Variants in NFIB observed in about 807,000 individuals in gnomAD.
NFIB encodes nuclear factor I B.
NFIB carries 11 observed loss-of-function variants against 61.5 expected under a neutral mutation model. That is an observed-to-expected ratio of 0.18 (90% CI 0.11 to 0.30). The LOEUF (loss-of-function observed/expected upper bound fraction) is 0.30. Ranked by LOEUF, NFIB falls within the 10% of genes least tolerant of loss-of-function variation. The probability of loss-of-function intolerance (pLI) is 1.00; values close to 1 mark genes in which losing one functional copy is unlikely to be tolerated. For synonymous variants in NFIB, 260 were observed against 216.5 expected (o/e 1.20, Z -1.76); for missense variants, 471 against 608.9 (o/e 0.77, Z 2.38).
chr9:14,445,750 T>C, the NFIB span, among the ~76,000 whole-genome samples: 1 of 152,250 alleles, frequency 6.6e-6, no homozygotes, highest in African/African-American at 2.4e-5. Context: ...GGATTTATGC[T>C]GTGTTCTCGA....
At chr9:14,388,678 G>C (rs2061584174) in intron 1 of NFIB, among the ~76,000 whole-genome samples, 1 of 152,192 alleles carries the variant, frequency 6.6e-6, no homozygotes, top group African/African-American at 2.4e-5. Context: ...GATAGCAATT[G>C]CCTCTGGAAA....
chr9:14,211,936 G>T (rs112484443), intron 2 of NFIB, among the ~76,000 whole-genome samples: 75 of 152,320 alleles, frequency 4.9e-4, no homozygotes, highest in African/African-American at 1.8e-3. Context: ...TCTCTCCACT[G>T]ACCAGAATAC....
rs151108945 is a variant in NFIB, at chr9:14,253,355, T to C, written c.562+53634A>G. 6.8e-4 allele frequency among the ~76,000 whole-genome samples: 103 copies of C among 152,292 alleles called. 3 individuals are homozygous for C. In the South Asian group the frequency reaches 0.012, roughly 17 times the overall value. On this transcript the variant is annotated intron_variant, in intron 2 of 10. Coordinates refer to ENST00000380953, the MANE Select transcript of NFIB (RefSeq NM_001190737.2). ...TGAGTGGTCACCACCAATTAGATTA[T>C]AGCGGGATAATTTCACAGTTCTCGA...
At chr9:14,149,944 T>C (rs7018963) in intron 5 of NFIB, among the ~76,000 whole-genome samples, 9,119 of 152,236 alleles carry the variant, frequency 0.06, 888 homozygotes, top group African/African-American at 0.21. Flanking sequence ...GAAAAAGATT[T>C]TTAAAACTGC....
intron 2 of NFIB, among the ~76,000 whole-genome samples, chr9:14,217,324 T>C (rs1239905704): frequency 3.9e-5 from 6 of 152,176 alleles, no homozygotes; most frequent in Non-Finnish European, 8.8e-5. Flanking sequence ...AGATAAGATA[T>C]ACATTATCTA....
At chr9:14,462,660 AT>A in the NFIB span, among the ~76,000 whole-genome samples, 447 of 152,242 alleles carry the variant, frequency 2.9e-3, 1 homozygote, top group African/African-American at 0.01. Context: ...GGACTATCGA[AT>A]TCTTATCTCT....
In NFIB at chr9:14,301,224, T is replaced by C. The variant is rs555718333; in HGVS notation, c.562+5765A>G. ...AACTGTGCCTATCAGGAAGGCATTC[T>C]TCAGGAGACCTGACCGTCACTCCTG... On this transcript the variant is annotated intron_variant, in intron 2 of 10. Transcript: ENST00000380953. Among the ~76,000 whole-genome samples, 13 of 152,286 alleles carry C rather than the reference T, an allele frequency of 8.5e-5. No homozygotes were observed. The South Asian group carries it at 2.7e-3, about 32-fold the overall frequency.
intron 1 of NFIB, among the ~76,000 whole-genome samples, chr9:14,359,254 G>A (rs564743621): frequency 6.6e-6 from 1 of 152,326 alleles, no homozygotes; most frequent in African/African-American, 2.4e-5. Context: ...TTGAAAAAAG[G>A]CCTTTGCACG....
At chr9:14,264,241 A>G (rs559857210) in intron 2 of NFIB, among the ~76,000 whole-genome samples, 4 of 151,998 alleles carry the variant, frequency 2.6e-5, no homozygotes, top group Admixed American at 2.0e-4. Context: ...CAAAAGTCCA[A>G]TTTTATTTTT....
chr9:14,230,716 C>A (rs931447306), intron 2 of NFIB, among the ~76,000 whole-genome samples: 1 of 151,996 alleles, frequency 6.6e-6, no homozygotes, highest in African/African-American at 2.4e-5. Flanking sequence ...CACTTTTTGA[C>A]AAATTTAAAG....
At chr9:14,314,858 C>T (rs1269653762), upstream of NFIB, among the ~76,000 whole-genome samples, 1 of 151,840 alleles carries the variant, frequency 6.6e-6, no homozygotes, top group African/African-American at 2.4e-5. Context: ...CACATACACA[C>T]CCCCGAAAAC....
intron 2 of NFIB, among the ~76,000 whole-genome samples, chr9:14,231,603 C>T (rs961184469): frequency 3.3e-5 from 5 of 152,040 alleles, no homozygotes; most frequent in Admixed American, 6.6e-5. Context: ...CCTAACAGTT[C>T]GTTCTTTTTG....
At chr9:14,493,335 G>C in the NFIB span, among the ~76,000 whole-genome samples, 2 of 152,058 alleles carry the variant, frequency 1.3e-5, no homozygotes, top group East Asian at 3.9e-4. Context: ...GAATTACCAG[G>C]AATAAGCACT....
At chr9:14,147,482 T>G (rs185572373) in intron 5 of NFIB, among the ~76,000 whole-genome samples, 2 of 151,972 alleles carry the variant, frequency 1.3e-5, no homozygotes, top group Non-Finnish European at 2.9e-5. Context: ...AACCCTATCA[T>G]TAATAATAAA....
At chr9:14,443,041 C>A in the NFIB span, among the ~76,000 whole-genome samples, 3 of 125,196 alleles carry the variant, frequency 2.4e-5, no homozygotes, top group African/African-American at 5.9e-5. Context: ...CACCCGCCCC[C>A]CCGCCATGAC....
chr9:14,512,651 A>G, the NFIB span, among the ~76,000 whole-genome samples: 1 of 151,934 alleles, frequency 6.6e-6, no homozygotes, highest in African/African-American at 2.4e-5. Flanking sequence ...GCTGAGTTCA[A>G]TTTATCAATA....
In NFIB at chr9:14,385,819, G is replaced by T. The variant is rs187058191; in HGVS notation, c.108+12705C>A. 2.4e-3 allele frequency among the ~76,000 whole-genome samples: 348 copies of T among 143,472 alleles called. 1 individual carries two copies. Among genetic ancestry groups the T allele is most frequent in the African/African-American group, 8.3e-3 (321 of 38,694 alleles). 94.1% of individuals were successfully genotyped at this position (143,472 alleles called of 152,430 possible). A position where few individuals can be genotyped will look rare whatever the true frequency, so the allele number is the denominator to read the frequency against. ...TTTTTTTGAAACAGAGTGTTTCTCTGTTTCCCAGGCTGGAGTGCAGTGGTG... is the reference window on the plus strand; with the variant it reads ...TTTTTTTGAAACAGAGTGTTTCTCTTTTTCCCAGGCTGGAGTGCAGTGGTG... On this transcript the variant is annotated intron_variant, in intron 1 of 8. Coordinates refer to the NFIB transcript ENST00000380934.
At chr9:14,521,307 G>C in the NFIB span, among the ~76,000 whole-genome samples, 1 of 152,212 alleles carries the variant, frequency 6.6e-6, no homozygotes, top group Non-Finnish European at 1.5e-5. Flanking sequence ...ATTTGGGCTA[G>C]AAGTACATCA....
At chr9:14,348,782 A>G (rs2061067149) in intron 1 of NFIB, among the ~76,000 whole-genome samples, 9 of 152,216 alleles carry the variant, frequency 5.9e-5, no homozygotes, top group Admixed American at 5.9e-4. Flanking sequence ...TCGCTCTTTG[A>G]AAACTGGAAA....
Sources: gnomAD v4.1 joint callset for allele counts (sites outside exome capture counted in the v4.1 genomes callset) on GRCh38, gnomAD v4.1.1 for gene constraint, MANE v1.5 for transcripts, NCBI Gene and HGNC (gene_info 2026-07-23, HGNC 2026-07-21) for gene names.